DOCK11: variants seen among roughly 807,000 people sequenced by gnomAD.
The protein encoded by DOCK11 is dedicator of cytokinesis protein 11.
Under a neutral mutation model 169.1 loss-of-function variants are expected in DOCK11, and 70 were observed. That is an observed-to-expected ratio of 0.41 (90% confidence interval 0.34 to 0.51). DOCK11 has a LOEUF of 0.51. DOCK11 is among the 20% of genes least tolerant of loss of function. DOCK11 has a pLI of 0.10. For missense variants in DOCK11, 1,166 were observed against 1,538.8 expected, an observed-to-expected ratio of 0.76 and a Z score of 4.05; for synonymous variants, 529 against 541.3, an observed-to-expected ratio of 0.98 and a Z score of 0.32.
chrX:118,495,962 C>T lies in DOCK11; in HGVS notation c.-10C>T. On this transcript the variant is annotated 5_prime_UTR_variant, in exon 1 of 53. Transcript: ENST00000276202. The stretch of plus-strand genomic sequence containing the variant: ...CGCCCGCCCGCCGAGACCCGCCCGC[C>T]GCCGCTGCCATGGCCGAAGTGCGCA... 2 of 1,067,302 alleles carry T rather than the reference C, an allele frequency of 1.9e-6. No homozygotes were observed. The highest frequency in any genetic ancestry group is 2.4e-6 in the Non-Finnish European group (2 of 825,238). 88.0% of individuals were successfully genotyped at this position (1,067,302 alleles called of 1,213,427 possible). A position where few individuals can be genotyped will look rare whatever the true frequency, so the allele number is the denominator to read the frequency against.
intron 46 of DOCK11, among the ~76,000 whole-genome samples, chrX:118,674,478 G>C (rs1026265923): frequency 1.8e-5 from 2 of 112,218 alleles, no homozygotes; most frequent in African/African-American, 6.5e-5. Flanking sequence ...TCATGTATCA[G>C]TTGTAGCATA....
At chrX:118,537,261 G>A (rs2011792047) in intron 1 of DOCK11, among the ~76,000 whole-genome samples, 1 of 111,465 alleles carries the variant, frequency 9.0e-6, no homozygotes, top group Non-Finnish European at 1.9e-5. Context: ...GTGCAGGGAT[G>A]TTTTTGAATT....
chrX:118,608,692 G>A (rs2014602321), intron 26 of DOCK11, among the ~76,000 whole-genome samples: 1 of 111,886 alleles, frequency 8.9e-6, no homozygotes, highest in Admixed American at 9.5e-5. Context: ...TACAAGTAAA[G>A]CATTTAACAC....
intron 44 of DOCK11, among the ~76,000 whole-genome samples, chrX:118,659,134 T>C (rs1156458447): frequency 6.3e-5 from 7 of 111,517 alleles, no homozygotes; most frequent in African/African-American, 2.3e-4. Flanking sequence ...CTCTTATCCT[T>C]CTTCTGACTG....
At chrX:118,580,030 T>C (rs2013574566) in intron 13 of DOCK11, 67 bp from the exon 14 acceptor site, 1 of 946,889 alleles carries the variant, frequency 1.1e-6, no homozygotes, top group Non-Finnish European at 1.4e-6. Flanking sequence ...TTGGGGAAAT[T>C]ATTTTTCTGG....
At chrX:118,624,091 A>AT (rs2147483013) in intron 31 of DOCK11, among the ~76,000 whole-genome samples, 1 of 112,375 alleles carries the variant, frequency 8.9e-6, no homozygotes, top group East Asian at 2.8e-4. Flanking sequence ...GTAACTTACC[A>AT]TTTTTTCACT....
intron 28 of DOCK11, among the ~76,000 whole-genome samples, chrX:118,611,630 A>T (rs2014683577): frequency 8.9e-6 from 1 of 112,784 alleles, no homozygotes; most frequent in African/African-American, 3.2e-5. Context: ...TTTATTTGGG[A>T]TATACCAGAA....
intron 40 of DOCK11, among the ~76,000 whole-genome samples, chrX:118,644,850 T>C (rs2015615922): frequency 9.0e-6 from 1 of 111,664 alleles, no homozygotes; most frequent in South Asian, 3.8e-4. Context: ...AACACAATTA[T>C]ATTTGTATTA....
chrX:118,644,058 A>G (rs1005112663), intron 40 of DOCK11, among the ~76,000 whole-genome samples: 7 of 111,696 alleles, frequency 6.3e-5, no homozygotes, highest in African/African-American at 2.0e-4. Flanking sequence ...AATGCTAGCC[A>G]TAACTGAGGG....
At position 118,542,757 on chromosome X, in the gene DOCK11, T is replaced by A; in HGVS notation, c.135T>A (p.Tyr45Ter). 8.3e-7 allele frequency: 1 copy of A among 1,211,230 alleles called. No homozygotes were observed. The highest frequency in any genetic ancestry group is 1.1e-6 in the Non-Finnish European group (1 of 895,017). Residue 45 changes from tyrosine to a stop codon, truncating the protein, a stop_gained, in exon 2 of 53, where the codon TAT becomes TAA. Transcript: ENST00000276202. LOFTEE classifies it high-confidence loss of function. ...EKAKVVEPLD[Y>*]ENVIAQRKTQ... ...CCAAAGTTGTTGAGCCCCTGGACTA[T>A]GAGAATGTTATTGCCCAAAGAAAAA...
intron 1 of DOCK11, among the ~76,000 whole-genome samples, chrX:118,513,958 T>G (rs1322660030): frequency 9.0e-6 from 1 of 111,115 alleles, no homozygotes; most frequent in Non-Finnish European, 1.9e-5. Context: ...GGAGAAATAA[T>G]GATATGGTTT....
chrX:118,515,729 G>A (rs749433360), intron 1 of DOCK11, among the ~76,000 whole-genome samples: 1 of 108,399 alleles, frequency 9.2e-6, no homozygotes, highest in South Asian at 4.1e-4. Context: ...GTTGTTGATA[G>A]CTTCTCTATT....
At chrX:118,640,863 G>A (rs1250935914) in intron 38 of DOCK11, among the ~76,000 whole-genome samples, 1 of 111,435 alleles carries the variant, frequency 9.0e-6, no homozygotes, top group South Asian at 3.8e-4. Context: ...ACGTGATCTC[G>A]GCTCGCTGCA....
In DOCK11 at chrX:118,557,789, A is replaced by G. The variant is rs1295262311; in HGVS notation, c.559-3594A>G. Reference sequence around the variant, plus strand: ...AAAAAAAAAAAAAAAAAAAAAAAAAAAGAGAAGAAATAGAATCCAAGAAGT... The same window carrying G: ...AAAAAAAAAAAAAAAAAAAAAAAAAGAGAGAAGAAATAGAATCCAAGAAGT... On this transcript the variant is annotated intron_variant, in intron 6 of 52. Coordinates refer to ENST00000276202, the MANE Select transcript of DOCK11 (RefSeq NM_144658.4). Among the ~76,000 whole-genome samples, 11 of 102,950 alleles carry G rather than the reference A, an allele frequency of 1.1e-4. No homozygotes were observed. The East Asian group carries it at 2.1e-3, about 20-fold the overall frequency. 89.4% of individuals were successfully genotyped at this position (102,950 alleles called of 115,157 possible).
intron 1 of DOCK11, among the ~76,000 whole-genome samples, chrX:118,496,581 G>T (rs1325955865): frequency 8.9e-6 from 1 of 112,495 alleles, no homozygotes; most frequent in Non-Finnish European, 1.9e-5. Flanking sequence ...AGAAAGCCCC[G>T]GGCGCCCAAG....
Position 118,496,061 on chromosome X carries a change from C to T in DOCK11, c.90C>T (p.Gly30=). ...AGAGCGTGTCTGAGGCCGTGCGGGG[C>T]TCCGTGGTGCTGGTGAGTGGCCGGG... The part of the protein sequence containing the change: ...LRQSVSEAVR[G]SVVLEKAKVV... The change falls in exon 1 of 53, where the codon GGC becomes GGT. Residue 30 remains glycine, a synonymous_variant. Coordinates refer to ENST00000276202, the MANE Select transcript of DOCK11 (RefSeq NM_144658.4). The T allele has an allele frequency of 9.5e-7, 1 of 1,053,963 alleles. No homozygotes were observed. Among genetic ancestry groups the T allele is most frequent in the South Asian group, 2.6e-5 (1 of 38,697 alleles). The allele number at this position is 1,053,963 out of a possible 1,213,427, so 86.9% of individuals were successfully genotyped here. A position where few individuals can be genotyped will look rare whatever the true frequency, so the allele number is the denominator to read the frequency against.
chrX:118,628,421 C>T (rs1051671514), intron 34 of DOCK11, 149 bp downstream of exon 34: 4 of 379,602 alleles, frequency 1.1e-5, no homozygotes, highest in African/African-American at 2.6e-5. Flanking sequence ...TTAGCAGTAT[C>T]TTCCTATAGT....
chrX:118,647,677 TATA>T (rs762386716), intron 40 of DOCK11, among the ~76,000 whole-genome samples: 3,149 of 58,580 alleles, frequency 0.054, 126 homozygotes, highest in Non-Finnish European at 0.074. Context: ...ATAATTATTA[TATA>T]ATATTATATT....
intron 6 of DOCK11, among the ~76,000 whole-genome samples, chrX:118,549,555 CATTT>C (rs977110865): frequency 3.6e-5 from 4 of 111,323 alleles, no homozygotes; most frequent in African/African-American, 9.8e-5. Flanking sequence ...TTATTTTTAT[CATTT>C]ATTTATTTGT....
Sources: allele counts gnomAD v4.1 joint callset (sites outside exome capture counted in the v4.1 genomes callset), GRCh38; gene constraint gnomAD v4.1.1; transcripts MANE v1.5; gene names NCBI Gene and HGNC (gene_info 2026-07-23, HGNC 2026-07-21).